ZFPM2: variants seen among roughly 807,000 people sequenced by gnomAD.
ZFPM2 encodes zinc finger protein ZFPM2.
Under a neutral mutation model 98.6 loss-of-function variants are expected in ZFPM2, and 20 were observed. That is an observed-to-expected ratio of 0.20 (90% confidence interval 0.14 to 0.29). The LOEUF (loss-of-function observed/expected upper bound fraction) is 0.29, where lower values mean the gene tolerates loss of function less well. ZFPM2 is among the 10% of genes least tolerant of loss of function. ZFPM2 has a pLI of 1.00. For missense variants in ZFPM2, 1,310 were observed against 1,388.6 expected (o/e 0.94, Z 0.90); for synonymous variants, 518 against 502.7 (o/e 1.03, Z -0.41).
chr8:105,327,851 G>C (rs1379690256), intron 1 of ZFPM2, among the ~76,000 whole-genome samples: 8 of 151,534 alleles, frequency 5.3e-5, no homozygotes, highest in Non-Finnish European at 8.9e-5. Context: ...AGCATAAAAG[G>C]CCTTTTTTTC....
intron 5 of ZFPM2, among the ~76,000 whole-genome samples, chr8:105,735,685 A>T (rs2131022697): frequency 6.6e-6 from 1 of 152,078 alleles, no homozygotes; most frequent in Admixed American, 6.6e-5. Flanking sequence ...CGCTGTTATA[A>T]TTTTTTCATA....
chr8:105,451,167 G>T (rs1812477325), intron 3 of ZFPM2, among the ~76,000 whole-genome samples: 1 of 152,082 alleles, frequency 6.6e-6, no homozygotes, highest in Non-Finnish European at 1.5e-5. Flanking sequence ...CATCTAATTT[G>T]TTTACATAAG....
At chr8:105,682,508 G>A (rs1300911158) in intron 5 of ZFPM2, among the ~76,000 whole-genome samples, 3 of 152,168 alleles carry the variant, frequency 2.0e-5, no homozygotes, top group African/African-American at 7.2e-5. Context: ...ATCCTTGTAG[G>A]CAGTTGTAAG....
intron 5 of ZFPM2, among the ~76,000 whole-genome samples, chr8:105,767,303 C>CA (rs1405442955): frequency 1.3e-5 from 2 of 151,754 alleles, no homozygotes; most frequent in Non-Finnish European, 2.9e-5. Context: ...TTGTAAACTA[C>CA]AAAAATATTG....
intron 3 of ZFPM2, among the ~76,000 whole-genome samples, chr8:105,459,338 C>G (rs1433159409): frequency 6.6e-6 from 1 of 152,062 alleles, no homozygotes; most frequent in Non-Finnish European, 1.5e-5. Flanking sequence ...GGGGAGGGTG[C>G]TTTGTCACTT....
At chr8:105,769,932 T>C (rs1410460773) in intron 5 of ZFPM2, among the ~76,000 whole-genome samples, 1 of 152,098 alleles carries the variant, frequency 6.6e-6, no homozygotes, top group East Asian at 1.9e-4. Flanking sequence ...CACCTCCATT[T>C]TAATGTGATT....
chr8:105,776,639 AC>A (rs945592365), intron 5 of ZFPM2, among the ~76,000 whole-genome samples: 4 of 152,174 alleles, frequency 2.6e-5, no homozygotes, highest in African/African-American at 9.6e-5. Flanking sequence ...TAACCAAGTA[AC>A]TTTTGTGAGC....
chr8:105,589,276 C>G (rs1367272660), intron 4 of ZFPM2, among the ~76,000 whole-genome samples: 1 of 152,176 alleles, frequency 6.6e-6, no homozygotes, highest in Admixed American at 6.5e-5. Flanking sequence ...TTAAAAATGA[C>G]AATCCCCAAT....
chr8:105,673,187 C>CTTTTTTTTTTTTTTTTT (rs5893754), intron 5 of ZFPM2, among the ~76,000 whole-genome samples: 5 of 87,526 alleles, frequency 5.7e-5, no homozygotes, highest in African/African-American at 2.0e-4. Flanking sequence ...AAATAGCATG[C>CTTTTTTTTTTTTTTTTT]TTTTTTTTTT....
At chr8:105,422,588 G>T (rs1811818018) in intron 2 of ZFPM2, among the ~76,000 whole-genome samples, 1 of 152,032 alleles carries the variant, frequency 6.6e-6, no homozygotes, top group South Asian at 2.1e-4. Flanking sequence ...TGGTCTAAAG[G>T]CTACCCATGA....
intron 1 of ZFPM2, among the ~76,000 whole-genome samples, chr8:105,362,590 G>T (rs1000762895): frequency 6.6e-5 from 10 of 151,980 alleles, no homozygotes; most frequent in Non-Finnish European, 1.5e-5. Context: ...CTCAAGTGCC[G>T]ATTTATATCA....
intron 1 of ZFPM2, among the ~76,000 whole-genome samples, chr8:105,394,579 A>G (rs1286079718): frequency 6.6e-6 from 1 of 152,190 alleles, no homozygotes; most frequent in Non-Finnish European, 1.5e-5. Context: ...CAAAACTTTT[A>G]AACAAAAAAG....
At chr8:105,450,833 G>A (rs746345846) in intron 3 of ZFPM2, among the ~76,000 whole-genome samples, 1 of 152,050 alleles carries the variant, frequency 6.6e-6, no homozygotes, top group Non-Finnish European at 1.5e-5. Context: ...ATCTTCTGTA[G>A]TGTAGTTAAG....
At position 105,553,873 on chromosome 8, in the gene ZFPM2, G is replaced by A. The variant is rs147554985; in HGVS notation, c.302-7490G>A. On this transcript the variant is annotated intron_variant, in intron 3 of 7. Coordinates refer to ENST00000407775, the MANE Select transcript of ZFPM2 (RefSeq NM_012082.4). ...ACACAATAAATGTAGTTGTCAGCAG[G>A]ATAAGTTCATGCGCCGGATAAGGTC... Among the ~76,000 whole-genome samples, 618 of 152,018 alleles carry A rather than the reference G, an allele frequency of 4.1e-3. 5 individuals carry two copies. Among genetic ancestry groups the A allele is most frequent in the African/African-American group, 0.014 (565 of 41,478 alleles).
chr8:105,655,252 A>G (rs1375924538), intron 5 of ZFPM2, among the ~76,000 whole-genome samples: 1 of 116,300 alleles, frequency 8.6e-6, no homozygotes. Flanking sequence ...TTTTTTTGAG[A>G]CAGAGTTTCG....
chr8:105,515,032 CATT>C (rs10549473), intron 3 of ZFPM2, among the ~76,000 whole-genome samples: 60,030 of 151,750 alleles, frequency 0.4, 14,601 homozygotes, highest in African/African-American at 0.7. Context: ...CAGGGTATAA[CATT>C]ATCATCTTTA....
chr8:105,670,439 T>C lies in ZFPM2; in HGVS notation c.532+36082T>C, dbSNP rs35436535. 4.9e-3 allele frequency among the ~76,000 whole-genome samples: 654 copies of C among 132,896 alleles called. 3 individuals carry two copies. Among genetic ancestry groups the C allele is most frequent in the Non-Finnish European group, 7.1e-3 (469 of 66,072 alleles). The allele number at this position is 132,896 out of a possible 152,430, so 87.2% of individuals were successfully genotyped here. ...TGAACCCGGGAGGCGGAGCTTGCAG[T>C]GAGCCGAGATCGTGCCACTGCACTC... On this transcript the variant is annotated intron_variant, in intron 5 of 7. Transcript: ENST00000407775.
chr8:105,673,434 C>T (rs1393710145), intron 5 of ZFPM2, among the ~76,000 whole-genome samples: 1 of 152,020 alleles, frequency 6.6e-6, no homozygotes, highest in Admixed American at 6.6e-5. Flanking sequence ...GCATGCCTAT[C>T]ACATAAAATT....
chr8:105,725,686 C>T (rs1452781533), intron 5 of ZFPM2, among the ~76,000 whole-genome samples: 2 of 151,650 alleles, frequency 1.3e-5, no homozygotes, highest in Non-Finnish European at 2.9e-5. Flanking sequence ...AGCTCAGAAG[C>T]CAATTCCTAT....
Sources: gnomAD v4.1 joint callset for allele counts (sites outside exome capture counted in the v4.1 genomes callset) on GRCh38, gnomAD v4.1.1 for gene constraint, MANE v1.5 for transcripts, NCBI Gene and HGNC (gene_info 2026-07-23, HGNC 2026-07-21) for gene names.